Variants in MAB21L2 observed in about 807,000 individuals in gnomAD.
MAB21L2 encodes the protein protein mab-21-like 2.
MAB21L2 carries 15 observed loss-of-function variants against 29.8 expected under a neutral mutation model. That is an observed-to-expected ratio of 0.50 (90% CI 0.34 to 0.78). MAB21L2 has a LOEUF of 0.78. Ranked by LOEUF, MAB21L2 falls within the 30% of genes least tolerant of loss-of-function variation. MAB21L2 has a pLI of 0.01. For missense variants in MAB21L2, 321 were observed against 480.1 expected, an observed-to-expected ratio of 0.67 and a Z score of 3.10; for synonymous variants, 218 against 210.4, an observed-to-expected ratio of 1.04 and a Z score of -0.31.
In MAB21L2 at chr4:150,582,408, C is replaced by CA. The variant is rs1426413729; in HGVS notation, c.-620dup. The stretch of plus-strand genomic sequence containing the variant: ...AGACTGTGGGGCGTCAGCAAACCTC[C>CA]AAGTGCACGGCGGACTGAGTTGTAC... On this transcript the variant is annotated 5_prime_UTR_variant, in exon 1 of 1. Coordinates refer to ENST00000317605, the MANE Select transcript of MAB21L2 (RefSeq NM_006439.5). The CA allele has an allele frequency of 6.6e-6, 1 of 151,950 alleles. No homozygotes were observed. The highest frequency in any genetic ancestry group is 1.9e-4 in the East Asian group (1 of 5,150). 9.4% of individuals were successfully genotyped at this position (151,950 alleles called of 1,614,324 possible).
At position 150,583,063 on chromosome 4, in the gene MAB21L2, C is replaced by T; in HGVS notation, c.34C>T (p.Leu12Phe). Residue 12 changes from leucine (L) to phenylalanine (F), a missense_variant, in exon 1 of 1, where the codon CTC becomes TTC. Transcript: ENST00000317605. This position sits in a 1 kb window ranked among gnomAD's most constrained non-coding sequence, Gnocchi z 9.8. ...CGCTCAGGCCAAGCTGGTTTACCAG[C>T]TCAATAAGTACTACACTGAGCGCTG... ...IAAQAKLVYQ[L>F]NKYYTERCQA... 6.2e-7 allele frequency: 1 copy of T among 1,610,550 alleles called. No individual in the cohort carries two copies. The highest frequency in any genetic ancestry group is 8.5e-7 in the Non-Finnish European group (1 of 1,177,924).
chr4:150,584,635 A>G lies in MAB21L2; in HGVS notation c.*526A>G, dbSNP rs922703305. On this transcript the variant is annotated 3_prime_UTR_variant, in exon 1 of 1. Coordinates refer to ENST00000317605, the MANE Select transcript of MAB21L2 (RefSeq NM_006439.5). ...GTGCTCCTCCCTCTCCTGAACCTCT[A>G]CCCTCACCCTGAGCTGTCTTGTTGA... is the stretch of plus-strand genomic sequence containing the variant. The G allele has an allele frequency of 4.8e-5, 8 of 166,846 alleles. No homozygotes were observed. The highest frequency in any genetic ancestry group is 1.9e-4 in the African/African-American group (8 of 41,326). The allele number at this position is 166,846 out of a possible 1,614,324, so 10.3% of individuals were successfully genotyped here.
rs1303986826 is a variant in MAB21L2 at position 150,583,896 on chromosome 4, G to T, written c.867G>T (p.Thr289=). 1 of 1,613,282 alleles carries T rather than the reference G, an allele frequency of 6.2e-7. No individual in the cohort carries two copies. Among genetic ancestry groups the T allele is most frequent in the Non-Finnish European group, 8.5e-7 (1 of 1,179,592 alleles). Residue 289 remains threonine, a synonymous_variant, in exon 1 of 1, where the codon ACG becomes ACT. Transcript: ENST00000317605. This position sits in a 1 kb window ranked among gnomAD's most constrained non-coding sequence, Gnocchi z 9.8. The part of the protein sequence containing the change: ...LYECEKHPRE[T]DWDESCLGDR... Reference sequence around the variant, plus strand: ...AGTGCGAGAAACACCCACGAGAAACGGACTGGGACGAGTCGTGCCTGGGCG... The same window carrying T: ...AGTGCGAGAAACACCCACGAGAAACTGACTGGGACGAGTCGTGCCTGGGCG...
At position 150,583,271 on chromosome 4, in the gene MAB21L2, A is replaced by G. The variant is rs920016703; in HGVS notation, c.242A>G (p.Asn81Ser). ...PTEFEVVLYL[N>S]QMGVFNFVDD... ...GAATTTGAGGTGGTGCTCTACCTAA[A>G]CCAGATGGGCGTCTTCAACTTCGTG... The change falls in exon 1 of 1, where the codon AAC becomes AGC. Residue 81 changes from asparagine (N) to serine (S), a missense_variant. Transcript: ENST00000317605. This position sits in a 1 kb window ranked among gnomAD's most constrained non-coding sequence, Gnocchi z 9.8. 2 of 1,613,946 alleles carry G rather than the reference A, an allele frequency of 1.2e-6. No homozygotes were observed. The highest frequency in any genetic ancestry group is 1.7e-6 in the Non-Finnish European group (2 of 1,180,004).
At position 150,582,926 on chromosome 4, in the gene MAB21L2, GCACCGCCTCTTTCGAAAGC is replaced by G; in HGVS notation, c.-102_-84del. On this transcript the variant is annotated 5_prime_UTR_variant, in exon 1 of 1. Transcript: ENST00000317605. ...GTGAAAGTAGGGCTTAACGGGGAGC[GCACCGCCTCTTTCGAAAGC>G]CGCTGGGCCACCACCAGTGCGTGAG... 7.4e-7 allele frequency: 1 copy of G among 1,349,006 alleles called. No homozygotes were observed. Among genetic ancestry groups the G allele is most frequent in the Non-Finnish European group, 1.0e-6 (1 of 988,098 alleles). 83.6% of individuals were successfully genotyped at this position (1,349,006 alleles called of 1,614,324 possible).
Position 150,583,650 on chromosome 4 carries a change from G to A in MAB21L2, c.621G>A (p.Gly207=), listed in dbSNP as rs1185885067. The part of the protein sequence containing the change: ...PNRVAEVKAE[G]FNLLSKECYS... ...GGGTGGCCGAGGTCAAGGCCGAAGG[G>A]TTCAACTTGCTCTCGAAGGAGTGCT... Residue 207 remains glycine, a synonymous_variant, in exon 1 of 1, where the codon GGG becomes GGA. Transcript: ENST00000317605. This position sits in a 1 kb window ranked among gnomAD's most constrained non-coding sequence, Gnocchi z 9.8. The A allele has an allele frequency of 1.2e-6, 2 of 1,614,026 alleles. No homozygotes were observed. The highest frequency in any genetic ancestry group is 2.2e-5 in the East Asian group (1 of 44,846).
Position 150,582,979 on chromosome 4 carries a change from C to T in MAB21L2, c.-51C>T, listed in dbSNP as rs761139412. The T allele has an allele frequency of 1.3e-6, 2 of 1,526,954 alleles. No homozygotes were observed. The highest frequency in any genetic ancestry group is 2.1e-5 in the Admixed American group (1 of 47,760). The allele number at this position is 1,526,954 out of a possible 1,614,324, so 94.6% of individuals were successfully genotyped here. On this transcript the variant is annotated 5_prime_UTR_variant, in exon 1 of 1. Coordinates refer to ENST00000317605, the MANE Select transcript of MAB21L2 (RefSeq NM_006439.5). ...CACCACCAGTGCGTGAGCCTTGGATCCCTCAACGTATTGCGAGACGCCGGT... is the reference window on the plus strand; with the variant it reads ...CACCACCAGTGCGTGAGCCTTGGATTCCTCAACGTATTGCGAGACGCCGGT...
Position 150,584,263 on chromosome 4 carries a change from CAAAA to C in MAB21L2, c.*156_*159del. ...AGACCTTCATTAATTAAGAAGCAAA[CAAAA>C]AGAGAGCAACCCAACCAAAACAAAT... is the stretch of plus-strand genomic sequence containing the variant. On this transcript the variant is annotated 3_prime_UTR_variant, in exon 1 of 1. Transcript: ENST00000317605. 1.2e-6 allele frequency: 1 copy of C among 806,412 alleles called. No homozygotes were observed. The highest frequency in any genetic ancestry group is 1.8e-6 in the Non-Finnish European group (1 of 563,964). The allele number at this position is 806,412 out of a possible 1,614,324, so 50.0% of individuals were successfully genotyped here.
chr4:150,583,341 T>C lies in MAB21L2; in HGVS notation c.312T>C (p.Asp104=), dbSNP rs373236286. The C allele has an allele frequency of 4.3e-6, 7 of 1,614,038 alleles. No individual in the cohort carries two copies. Among genetic ancestry groups the C allele is most frequent in the Middle Eastern group, 1.6e-4 (1 of 6,082 alleles). ...GCTGCGCAGTGCTCAAACTGAGCGA[T>C]GGGCGGAAGCGGAGCATGTCTCTCT... ...LPGCAVLKLS[D]GRKRSMSLWV... Residue 104 remains aspartate (D), a synonymous_variant, in exon 1 of 1, where the codon GAT becomes GAC. Transcript: ENST00000317605. This position sits in a 1 kb window ranked among gnomAD's most constrained non-coding sequence, Gnocchi z 9.8.
chr4:150,584,040 C>T lies in MAB21L2; in HGVS notation c.1011C>T (p.Ser337=). The T allele has an allele frequency of 6.2e-7, 1 of 1,607,000 alleles. No individual in the cohort carries two copies. Among genetic ancestry groups the T allele is most frequent in the Non-Finnish European group, 8.5e-7 (1 of 1,176,758 alleles). ...GCAAGCCCCATTCGGCCCTGGAGAG[C>T]GCTGCCAAGCAGACCTGGAGGTTGG... ...FQGKPHSALE[S]AAKQTWRLAR... The change falls in exon 1 of 1, where the codon AGC becomes AGT. Residue 337 remains serine, a synonymous_variant. Transcript: ENST00000317605.
In MAB21L2 at chr4:150,583,563, G is replaced by T; in HGVS notation, c.534G>T (p.Gly178=). The T allele has an allele frequency of 1.2e-6, 2 of 1,613,874 alleles. No individual in the cohort carries two copies. The highest frequency in any genetic ancestry group is 1.1e-5 in the South Asian group (1 of 91,062). Residue 178 remains glycine, a synonymous_variant, in exon 1 of 1, where the codon GGG becomes GGT. Coordinates refer to ENST00000317605, the MANE Select transcript of MAB21L2 (RefSeq NM_006439.5). The surrounding 1 kb of genome is among the most constrained non-coding windows in gnomAD (Gnocchi z 9.8). ...VQITPAFKCT[G]IWPRSAAQWP... ...TCACTCCGGCGTTCAAGTGCACCGG[G>T]ATCTGGCCTCGCAGCGCGGCACAGT...
Position 150,583,431 on chromosome 4 carries a change from G to A in MAB21L2, c.402G>A (p.Thr134=). ...SARKIRSRFQ[T]LVAQAVDKCS... ...GTAAGATCCGCTCGCGTTTCCAGAC[G>A]CTGGTGGCCCAGGCGGTGGACAAGT... Residue 134 remains threonine (T), a synonymous_variant, in exon 1 of 1, where the codon ACG becomes ACA. Transcript: ENST00000317605. The surrounding 1 kb of genome is among the most constrained non-coding windows in gnomAD (Gnocchi z 9.8). The A allele has an allele frequency of 6.2e-7, 1 of 1,613,900 alleles. No homozygotes were observed. Among genetic ancestry groups the A allele is most frequent in the Non-Finnish European group, 8.5e-7 (1 of 1,180,040 alleles).
chr4:150,583,305 C>T lies in MAB21L2; in HGVS notation c.276C>T (p.Gly92=). Reference sequence around the variant, plus strand: ...GCGTCTTCAACTTCGTGGACGACGGCTCGCTGCCCGGCTGCGCAGTGCTCA... The same window carrying T: ...GCGTCTTCAACTTCGTGGACGACGGTTCGCTGCCCGGCTGCGCAGTGCTCA... ...QMGVFNFVDD[G]SLPGCAVLKL... is the part of the protein sequence containing the mutation. Residue 92 remains glycine (G), a synonymous_variant, in exon 1 of 1, where the codon GGC becomes GGT. Coordinates refer to ENST00000317605, the MANE Select transcript of MAB21L2 (RefSeq NM_006439.5). This position sits in a 1 kb window ranked among gnomAD's most constrained non-coding sequence, Gnocchi z 9.8. The T allele has an allele frequency of 6.2e-7, 1 of 1,614,220 alleles. No homozygotes were observed. The highest frequency in any genetic ancestry group is 2.2e-5 in the East Asian group (1 of 44,870).
At position 150,584,279 on chromosome 4, in the gene MAB21L2, C is replaced by A; in HGVS notation, c.*170C>A. The A allele has an allele frequency of 3.2e-6, 2 of 618,568 alleles. No homozygotes were observed. Among genetic ancestry groups the A allele is most frequent in the South Asian group, 5.3e-5 (1 of 18,954 alleles). The allele number at this position is 618,568 out of a possible 1,614,324, so 38.3% of individuals were successfully genotyped here. A position where few individuals can be genotyped will look rare whatever the true frequency, so the allele number is the denominator to read the frequency against. ...AGAAGCAAACAAAAAGAGAGCAACC[C>A]AACCAAAACAAATCACATTCTTGCA... On this transcript the variant is annotated 3_prime_UTR_variant, in exon 1 of 1. Transcript: ENST00000317605.
rs79265987 is a variant in MAB21L2 at position 150,582,572 on chromosome 4, G to T, written c.-458G>T. The T allele has an allele frequency of 0.025, 4,072 of 162,504 alleles. 168 individuals carry two copies. The highest frequency in any genetic ancestry group is 0.092 in the African/African-American group (3,847 of 41,608). The allele number at this position is 162,504 out of a possible 1,614,324, so 10.1% of individuals were successfully genotyped here. A position where few individuals can be genotyped will look rare whatever the true frequency, so the allele number is the denominator to read the frequency against. ...TTAAGAATGAACCACTGAATGTTTC[G>T]CTTTTATTTTTAAATTTACTTTGGC... On this transcript the variant is annotated 5_prime_UTR_variant, in exon 1 of 1. Coordinates refer to ENST00000317605, the MANE Select transcript of MAB21L2 (RefSeq NM_006439.5).
At position 150,583,714 on chromosome 4, in the gene MAB21L2, G is replaced by C. The variant is rs747066516; in HGVS notation, c.685G>C (p.Ala229Pro). Residue 229 changes from alanine (A) to proline (P), a missense_variant, in exon 1 of 1, where the codon GCC becomes CCC. Physicochemically the swap from Ala to Pro is conservative, Grantham distance 27 (BLOSUM62 -1). Coordinates refer to ENST00000317605, the MANE Select transcript of MAB21L2 (RefSeq NM_006439.5). This position sits in a 1 kb window ranked among gnomAD's most constrained non-coding sequence, Gnocchi z 9.8. ...CAAGCAGAGCTCGGCAGAGAGCGAC[G>C]CCTGGGTGCTACAGTTCGGGGAGGC... Reference protein sequence around the residue: ...TGKQSSAESDAWVLQFGEAEN... With the variant: ...TGKQSSAESDPWVLQFGEAEN... 6.2e-7 allele frequency: 1 copy of C among 1,613,478 alleles called. No individual in the cohort carries two copies.
Position 150,584,638 on chromosome 4 carries a change from C to T in MAB21L2, c.*529C>T, listed in dbSNP as rs190666118. Reference sequence around the variant, plus strand: ...CTCCTCCCTCTCCTGAACCTCTACCCTCACCCTGAGCTGTCTTGTTGAAAA... The same window carrying T: ...CTCCTCCCTCTCCTGAACCTCTACCTTCACCCTGAGCTGTCTTGTTGAAAA... On this transcript the variant is annotated 3_prime_UTR_variant, in exon 1 of 1. Coordinates refer to ENST00000317605, the MANE Select transcript of MAB21L2 (RefSeq NM_006439.5). 1 of 167,158 alleles carries T rather than the reference C, an allele frequency of 6.0e-6. No homozygotes were observed. Among genetic ancestry groups the T allele is most frequent in the Admixed American group, 6.5e-5 (1 of 15,306 alleles). The allele number at this position is 167,158 out of a possible 1,614,324, so 10.4% of individuals were successfully genotyped here. A position where few individuals can be genotyped will look rare whatever the true frequency, so the allele number is the denominator to read the frequency against.
Position 150,583,383 on chromosome 4 carries a change from G to A in MAB21L2, c.354G>A (p.Thr118=). 3 of 1,614,086 alleles carry A rather than the reference G, an allele frequency of 1.9e-6. No individual in the cohort carries two copies. Among genetic ancestry groups the A allele is most frequent in the Non-Finnish European group, 2.5e-6 (3 of 1,180,036 alleles). ...TGTCTCTCTGGGTCGAGTTCATCAC[G>A]GCGTCGGGCTATCTCTCAGCGCGTA... ...RSMSLWVEFI[T]ASGYLSARKI... is the part of the protein sequence containing the mutation. The change falls in exon 1 of 1, where the codon ACG becomes ACA. Residue 118 remains threonine (T), a synonymous_variant. Transcript: ENST00000317605. This position sits in a 1 kb window ranked among gnomAD's most constrained non-coding sequence, Gnocchi z 9.8.
chr4:150,584,242 CTTCA>C lies in MAB21L2; in HGVS notation c.*136_*139del. Reference sequence around the variant, plus strand: ...CTGAAATAGGAATCCGGCAGAAGACCTTCATTAATTAAGAAGCAAACAAAAAGAG... The same window carrying C: ...CTGAAATAGGAATCCGGCAGAAGACCTTAATTAAGAAGCAAACAAAAAGAG... On this transcript the variant is annotated 3_prime_UTR_variant, in exon 1 of 1. Transcript: ENST00000317605. The C allele has an allele frequency of 9.9e-7, 1 of 1,011,272 alleles. No individual in the cohort carries two copies. Among genetic ancestry groups the C allele is most frequent in the Non-Finnish European group, 1.4e-6 (1 of 740,200 alleles). The allele number at this position is 1,011,272 out of a possible 1,614,324, so 62.6% of individuals were successfully genotyped here. A position where few individuals can be genotyped will look rare whatever the true frequency, so the allele number is the denominator to read the frequency against.
Sources: gnomAD v4.1 joint callset for allele counts on GRCh38, gnomAD v4.1.1 for gene constraint, Gnocchi (gnomAD v3.1) non-coding constraint, MANE v1.5 for transcripts, NCBI Gene and HGNC (gene_info 2026-07-23, HGNC 2026-07-21) for gene names.